CDH2: variants seen among roughly 807,000 people sequenced by gnomAD.
CDH2 encodes cadherin-2.
CDH2 carries 17 observed loss-of-function variants against 92.0 expected under a neutral mutation model. The observed-to-expected ratio is 0.18, with a 90% CI of 0.13 to 0.28. The LOEUF (loss-of-function observed/expected upper bound fraction) is 0.28, where lower values mean the gene tolerates loss of function less well. Ranked by LOEUF, CDH2 falls within the 10% of genes least tolerant of loss-of-function variation. The pLI is 1.00. For synonymous variants in CDH2, 419 were observed against 415.9 expected (o/e 1.01, Z -0.09); for missense variants, 862 against 1,133.1 (o/e 0.76, Z 3.44).
chr18:28,116,844 A>G (rs2015503749), intron 2 of CDH2, among the ~76,000 whole-genome samples: 1 of 152,146 alleles, frequency 6.6e-6, no homozygotes, highest in Non-Finnish European at 1.5e-5. Flanking sequence ...GCATACTCTA[A>G]AGGAATAGCT....
At chr18:27,993,439 A>G in intron 8 of CDH2, 61 bp downstream of exon 8, 1 of 1,542,910 alleles carries the variant, frequency 6.5e-7, no homozygotes, top group Non-Finnish European at 8.8e-7. Flanking sequence ...ATTATTCATG[A>G]CCAACCTTCT....
chr18:27,945,774 TA>T lies in CDH2; in HGVS notation c.1152-12651del, dbSNP rs535747435. ...GGATTGTTATTGGCTTAAAAGGAGG[TA>T]AACTGCAAAAATCAAATCATTGTCT... On this transcript the variant is annotated intron_variant, in intron 6 of 6. Transcript: ENST00000675173. Among the ~76,000 whole-genome samples, 17 of 152,168 alleles carry T rather than the reference TA, an allele frequency of 1.1e-4. No individual in the cohort carries two copies. In the East Asian group the frequency reaches 3.3e-3, roughly 29 times the overall value.
chr18:27,962,192 A>G (rs1487738015), intron 15 of CDH2, among the ~76,000 whole-genome samples: 1 of 152,188 alleles, frequency 6.6e-6, no homozygotes, highest in African/African-American at 2.4e-5. Flanking sequence ...GTCAGGACAT[A>G]TTTCTGTGGA....
intron 1 of CDH2, among the ~76,000 whole-genome samples, chr18:28,166,339 T>C (rs1216043842): frequency 1.3e-5 from 2 of 151,780 alleles, no homozygotes; most frequent in African/African-American, 4.8e-5. Flanking sequence ...TCCACTGTTA[T>C]CGACGTTTGA....
At chr18:28,068,754 T>A (rs1193305275) in intron 2 of CDH2, among the ~76,000 whole-genome samples, 1 of 152,222 alleles carries the variant, frequency 6.6e-6, no homozygotes, top group East Asian at 1.9e-4. Context: ...CCCTTCTTGC[T>A]GAAGAAGATA....
At chr18:28,040,653 C>A (rs1226348103) in intron 2 of CDH2, among the ~76,000 whole-genome samples, 1 of 152,140 alleles carries the variant, frequency 6.6e-6, no homozygotes, top group Admixed American at 6.5e-5. Flanking sequence ...GCTGAAAAAA[C>A]ACATTCCAGC....
chr18:28,097,987 A>G (rs1315696825), intron 2 of CDH2, among the ~76,000 whole-genome samples: 2 of 152,196 alleles, frequency 1.3e-5, no homozygotes, highest in African/African-American at 2.4e-5. Context: ...AAAAGTTTCA[A>G]TTTGTATATC....
intron 6 of CDH2, among the ~76,000 whole-genome samples, chr18:27,942,926 G>A (rs1909179286): frequency 6.6e-6 from 1 of 152,104 alleles, no homozygotes; most frequent in African/African-American, 2.4e-5. Context: ...AAGCAGTCAA[G>A]GAACTTAGTG....
intron 2 of CDH2, among the ~76,000 whole-genome samples, chr18:28,054,918 C>T (rs552338660): frequency 3.9e-5 from 6 of 152,166 alleles, no homozygotes; most frequent in African/African-American, 1.4e-4. Context: ...ATTTCAAGAC[C>T]CTTCTGTAAG....
chr18:27,969,953 T>G (rs1280360557), intron 14 of CDH2, among the ~76,000 whole-genome samples: 1 of 152,210 alleles, frequency 6.6e-6, no homozygotes, highest in Non-Finnish European at 1.5e-5. Context: ...TGAGCCAAGA[T>G]CGTGCCATTG....
intron 1 of CDH2, among the ~76,000 whole-genome samples, chr18:28,152,028 G>A (rs1432622906): frequency 2.6e-5 from 4 of 152,118 alleles, no homozygotes; most frequent in Non-Finnish European, 5.9e-5. Context: ...TTGCTTAAAA[G>A]CATTTGAAAA....
intron 2 of CDH2, among the ~76,000 whole-genome samples, chr18:28,052,050 C>T (rs185613034): frequency 2.8e-4 from 43 of 152,248 alleles, no homozygotes; most frequent in Middle Eastern, 3.4e-3. Flanking sequence ...TGTAAAACAA[C>T]AACGATGTCA....
intron 15 of CDH2, among the ~76,000 whole-genome samples, chr18:27,962,162 T>C (rs1163838615): frequency 6.6e-6 from 1 of 152,218 alleles, no homozygotes; most frequent in Non-Finnish European, 1.5e-5. Context: ...TGGATCTATA[T>C]ATAACTAAGA....
Position 27,992,619 on chromosome 18 carries a change from G to A in CDH2, c.1344+36C>T, listed in dbSNP as rs763657523. 25 of 1,567,200 alleles carry A rather than the reference G, an allele frequency of 1.6e-5. No homozygotes were observed. In the East Asian group the frequency reaches 5.6e-4, roughly 35 times the overall value. On this transcript the variant is annotated intron_variant, in intron 9 of 15. Transcript: ENST00000269141. ...GACATATATTGGTCCTTGCTGAGCA[G>A]CTGTTGGAGAGATCAGTGGCCCGAG...
chr18:27,976,153 C>T (rs949411607), intron 14 of CDH2, among the ~76,000 whole-genome samples: 2 of 152,126 alleles, frequency 1.3e-5, no homozygotes, highest in Admixed American at 6.5e-5. Context: ...AGGTTCCAGG[C>T]GTTTCAGCTT....
intron 1 of CDH2, among the ~76,000 whole-genome samples, chr18:28,155,811 A>G (rs1200104594): frequency 2.6e-5 from 4 of 152,214 alleles, no homozygotes; most frequent in Non-Finnish European, 4.4e-5. Context: ...GATTCTCGAC[A>G]TCTCACAGGA....
In CDH2 at chr18:27,952,347, C is replaced by T; in HGVS notation, c.2527G>A (p.Ala843Thr). 1 of 1,613,336 alleles carries T rather than the reference C, an allele frequency of 6.2e-7. No homozygotes were observed. Among genetic ancestry groups the T allele is most frequent in the Non-Finnish European group, 8.5e-7 (1 of 1,179,568 alleles). Reference protein sequence around the residue: ...GDFINEGLKAADNDPTAPPYD... With the variant: ...GDFINEGLKATDNDPTAPPYD... ...GGTGGAGCTGTGGGGTCATTGTCAG[C>T]CGCTTTAAGGCCCTGCAATTTGGAA... Residue 843 changes from alanine (A) to threonine (T), a missense_variant, in exon 16 of 16, where the codon GCT (alanine) becomes ACT (threonine). This residue lies in a region of CDH2 where 114 missense variants were observed against 144.8 expected (regional missense o/e 0.79). Transcript: ENST00000269141.
At chr18:28,041,248 T>C (rs1379029197) in intron 2 of CDH2, among the ~76,000 whole-genome samples, 2 of 152,208 alleles carry the variant, frequency 1.3e-5, no homozygotes, top group Non-Finnish European at 2.9e-5. Flanking sequence ...CACTTTTAAT[T>C]GGCATGTTTA....
intron 2 of CDH2, among the ~76,000 whole-genome samples, chr18:28,023,033 A>G (rs1013121732): frequency 1.3e-5 from 2 of 152,140 alleles, no homozygotes; most frequent in African/African-American, 4.8e-5. Flanking sequence ...TTAACTCTTG[A>G]AAAAAGGTAT....
Sources: gnomAD v4.1 joint callset for allele counts (sites outside exome capture counted in the v4.1 genomes callset) on GRCh38, gnomAD v4.1.1 for gene constraint, gnomAD v4.1.1 regional missense constraint, MANE v1.5 for transcripts, NCBI Gene and HGNC (gene_info 2026-07-23, HGNC 2026-07-21) for gene names.